BCO2: variants seen among roughly 807,000 people sequenced by gnomAD.
The protein encoded by BCO2 is carotenoid-cleaving dioxygenase, mitochondrial.
BCO2 carries 56 observed loss-of-function variants against 65.8 expected under a neutral mutation model. The observed-to-expected ratio is 0.85, with a 90% CI of 0.69 to 1.06. The LOEUF is 1.06. BCO2 is among the 50% of genes least tolerant of loss of function. The probability of loss-of-function intolerance (pLI) is 0.00; values close to 1 mark genes in which losing one functional copy is unlikely to be tolerated. For synonymous variants in BCO2, 233 were observed against 242.3 expected (o/e 0.96, Z 0.36); for missense variants, 675 against 698.5 (o/e 0.97, Z 0.38).
At position 112,202,790 on chromosome 11, in the gene BCO2, A is replaced by G. The variant is rs142777042; in HGVS notation, c.1194+600A>G. On this transcript the variant is annotated intron_variant, in intron 8 of 11. Coordinates refer to ENST00000357685, the MANE Select transcript of BCO2 (RefSeq NM_031938.7). ...GCTGGGCACGGTGGCTCACGCTTGT[A>G]ATCCCAGCAGTTTGGGAGGCTGAGG... 5.3e-3 allele frequency among the ~76,000 whole-genome samples: 804 copies of G among 152,304 alleles called. 2 individuals carry two copies. Among genetic ancestry groups the G allele is most frequent in the African/African-American group, 0.019 (773 of 41,558 alleles).
chr11:112,199,143 G>T (rs1410773245), intron 5 of BCO2, among the ~76,000 whole-genome samples: 1 of 151,932 alleles, frequency 6.6e-6, no homozygotes, highest in Admixed American at 6.6e-5. Flanking sequence ...GGTGTGTGAC[G>T]TTCTCCTCCC....
chr11:112,199,772 G>C lies in BCO2; in HGVS notation c.810G>C (p.Val270=). ...DLGETIHGVQ[V]ICSIASTEKG... The stretch of plus-strand genomic sequence containing the variant: ...GGGAGACAATCCATGGAGTCCAGGT[G>C]ATATGTTCTATTGCTTCTACAGAGA... Residue 270 remains valine (V), a synonymous_variant, in exon 6 of 12, where the codon GTG becomes GTC. Coordinates refer to ENST00000357685, the MANE Select transcript of BCO2 (RefSeq NM_031938.7). The C allele has an allele frequency of 6.2e-7, 1 of 1,613,944 alleles. No individual in the cohort carries two copies. The highest frequency in any genetic ancestry group is 8.5e-7 in the Non-Finnish European group (1 of 1,179,826).
chr11:112,206,283 C>T (rs1210100458), intron 8 of BCO2, among the ~76,000 whole-genome samples: 2 of 149,626 alleles, frequency 1.3e-5, no homozygotes, highest in Non-Finnish European at 1.5e-5. Context: ...AGAGGGTGGG[C>T]GGCTGGGCAG....
chr11:112,180,786 CCCTG>C, intron 2 of BCO2: 1 of 985,108 alleles, frequency 1.0e-6, no homozygotes, highest in Non-Finnish European at 1.6e-6. Flanking sequence ...AGGCGGATGA[CCCTG>C]TTCCTGAACG....
chr11:112,214,756 T>C lies in BCO2; in HGVS notation c.1333-6T>C. 6.2e-7 allele frequency: 1 copy of C among 1,611,030 alleles called. No homozygotes were observed. Among genetic ancestry groups the C allele is most frequent in the Non-Finnish European group, 8.5e-7 (1 of 1,177,572 alleles). On this transcript the variant is annotated splice_region_variant and splice_polypyrimidine_tract_variant and intron_variant, in intron 9 of 11. Coordinates refer to ENST00000357685, the MANE Select transcript of BCO2 (RefSeq NM_031938.7). Reference sequence around the variant, plus strand: ...CCACTACAAATCCTTTTGAAATCTCTTTTAGATCTGGTGCTCTCATGAAAA... The same window carrying C: ...CCACTACAAATCCTTTTGAAATCTCCTTTAGATCTGGTGCTCTCATGAAAA...
rs756257608 is a variant in BCO2 at position 112,218,177 on chromosome 11, C to T, written c.*303C>T. 20 of 211,926 alleles carry T rather than the reference C, an allele frequency of 9.4e-5. No homozygotes were observed. Among genetic ancestry groups the T allele is most frequent in the Non-Finnish European group, 1.7e-4 (18 of 106,358 alleles). The allele number at this position is 211,926 out of a possible 1,614,324, so 13.1% of individuals were successfully genotyped here. A position where few individuals can be genotyped will look rare whatever the true frequency, so the allele number is the denominator to read the frequency against. On this transcript the variant is annotated 3_prime_UTR_variant, in exon 12 of 12. Transcript: ENST00000357685. ...ACAAAAGACAGAGCATAAAGGGCAC[C>T]GTACCTCCCAAACCAATGTCCCAAA...
At chr11:112,208,559 T>G (rs1223621843) in intron 8 of BCO2, 1 of 182,028 alleles carries the variant, frequency 5.5e-6, no homozygotes, top group Non-Finnish European at 1.2e-5. Context: ...TGGCTGTAGA[T>G]TAAAAAAATA....
chr11:112,213,605 G>A (rs1221891420), intron 8 of BCO2, 119 bp from the exon 9 acceptor site: 1 of 1,118,750 alleles, frequency 8.9e-7, no homozygotes, highest in Non-Finnish European at 1.3e-6. Context: ...ATGAATGAAT[G>A]GAAATTATCA....
chr11:112,192,925 G>GTTTTTTTTTGTTTTTTTTTTTTTTT (rs1867434124), intron 2 of BCO2, among the ~76,000 whole-genome samples: 1 of 36,658 alleles, frequency 2.7e-5, no homozygotes, highest in African/African-American at 1.0e-4. Context: ...AAAATGTGAG[G>GTTTTTTTTTGTTTTTTTTTTTTTTT]TTTTTTTTTT....
At chr11:112,206,342 AGTTCCCAGACGGTGGGC>A (rs1263546969) in intron 8 of BCO2, among the ~76,000 whole-genome samples, 1 of 146,506 alleles carries the variant, frequency 6.8e-6, no homozygotes, top group Non-Finnish European at 1.5e-5. Flanking sequence ...GGTGTTCCTC[AGTTCCCAGACGGTGGGC>A]GGCCGGGCAG....
chr11:112,194,907 C>T (rs1867524950), intron 5 of BCO2, 152 bp downstream of exon 5: 1 of 528,958 alleles, frequency 1.9e-6, no homozygotes, highest in Admixed American at 3.8e-5. Context: ...CTCTTTATTA[C>T]TTGATCTCAG....
In BCO2 at chr11:112,175,680, C is replaced by T. The variant is rs149163526; in HGVS notation, c.79C>T (p.Arg27Trp). 6.2e-7 allele frequency: 1 copy of T among 1,612,926 alleles called. No individual in the cohort carries two copies. The highest frequency in any genetic ancestry group is 8.5e-7 in the Non-Finnish European group (1 of 1,178,926). ...GGATTTCCTTCCTGTGATGGTGCAC[C>T]GGCTCCCAGGTAGAGGGTTTGCCCC... is the stretch of plus-strand genomic sequence containing the variant. ...AVDFLPVMVH[R>W]LPVFKRYMGN... Residue 27 changes from arginine to tryptophan, a missense_variant, in exon 1 of 12, where the codon CGG (arginine) becomes TGG (tryptophan). Physicochemically the swap from Arg to Trp is moderately radical, Grantham distance 101. Coordinates refer to ENST00000357685, the MANE Select transcript of BCO2 (RefSeq NM_031938.7).
At chr11:112,215,542 C>T (rs531877593) in intron 10 of BCO2, 1 of 153,822 alleles carries the variant, frequency 6.5e-6, no homozygotes, top group Non-Finnish European at 1.4e-5. Flanking sequence ...AACCCTGTCT[C>T]TACTAAAAAT....
At chr11:112,217,738 C>G in intron 11 of BCO2, 23 bp from the exon 12 acceptor site, 1 of 1,538,766 alleles carries the variant, frequency 6.5e-7, no homozygotes, top group Non-Finnish European at 9.0e-7. Flanking sequence ...AGATAATTTT[C>G]AATATTGTCT....
intron 8 of BCO2, among the ~76,000 whole-genome samples, chr11:112,205,338 A>G (rs1165409393): frequency 6.6e-6 from 1 of 152,238 alleles, no homozygotes; most frequent in Non-Finnish European, 1.5e-5. Flanking sequence ...CTTTTTGATA[A>G]TAGCCATCCT....
intron 7 of BCO2, among the ~76,000 whole-genome samples, chr11:112,201,677 A>C (rs779406203): frequency 5.9e-5 from 9 of 152,350 alleles, no homozygotes; most frequent in Admixed American, 1.3e-4. Flanking sequence ...TCATCAGTAT[A>C]CTGAGTAGCA....
chr11:112,189,404 A>G (rs6589265), intron 2 of BCO2, among the ~76,000 whole-genome samples: 15,093 of 76,744 alleles, frequency 0.2, 752 homozygotes, highest in African/African-American at 0.32. Flanking sequence ...AGAAAAGGAA[A>G]TTTTTTTTTT....
intron 2 of BCO2, among the ~76,000 whole-genome samples, chr11:112,186,478 G>C (rs1867204036): frequency 6.6e-6 from 1 of 152,202 alleles, no homozygotes. Flanking sequence ...TGACTCCCCA[G>C]ATAGGACCTA....
chr11:112,191,028 G>A (rs1012455529), intron 2 of BCO2, among the ~76,000 whole-genome samples: 3 of 150,650 alleles, frequency 2.0e-5, no homozygotes, highest in Non-Finnish European at 4.4e-5. Context: ...GGTGCTACAA[G>A]CAGTAATACT....
Sources: gnomAD v4.1 joint callset for allele counts (sites outside exome capture counted in the v4.1 genomes callset) on GRCh38, gnomAD v4.1.1 for gene constraint, MANE v1.5 for transcripts, NCBI Gene and HGNC (gene_info 2026-07-23, HGNC 2026-07-21) for gene names.